The following FYTTD1 variants were observed in gnomAD, a reference collection of about 807,000 sequenced individuals.
The protein encoded by FYTTD1 is UAP56-interacting factor.
FYTTD1 carries 22 observed loss-of-function variants against 40.9 expected under a neutral mutation model. The ratio of observed to expected loss-of-function variants is 0.54; its 90% CI spans 0.38 to 0.77. FYTTD1 has a LOEUF of 0.77. FYTTD1 is among the 30% of genes least tolerant of loss of function. The pLI, the probability that FYTTD1 is intolerant of heterozygous loss-of-function variation, is 0.00. For missense variants in FYTTD1, 351 were observed against 392.2 expected (o/e 0.90, Z 0.89); for synonymous variants, 140 against 137.9 (o/e 1.01, Z -0.10).
At chr3:197,758,690 A>G (rs1729279533) in intron 2 of FYTTD1, among the ~76,000 whole-genome samples, 1 of 152,186 alleles carries the variant, frequency 6.6e-6, no homozygotes, top group African/African-American at 2.4e-5. Flanking sequence ...TTGCCCTTGT[A>G]TGTTTATTGC....
rs556901767 is a variant in FYTTD1 at position 197,770,256 on chromosome 3, A to G, written c.497+12A>G. On this transcript the variant is annotated intron_variant, in intron 4 of 8. Coordinates refer to ENST00000241502, the MANE Select transcript of FYTTD1 (RefSeq NM_032288.7). ...CAGCTAAGCAGAAAGTAAGTGCTCA[A>G]AAATAATAATGTGTTATTTTGCATT... The G allele has an allele frequency of 4.4e-4, 645 of 1,477,404 alleles. 6 individuals carry two copies. In the South Asian group the frequency reaches 7.0e-3, roughly 16 times the overall value. The allele number at this position is 1,477,404 out of a possible 1,614,324, so 91.5% of individuals were successfully genotyped here.
At chr3:197,754,851 G>T (rs1057064745) in intron 1 of FYTTD1, among the ~76,000 whole-genome samples, 2 of 151,868 alleles carry the variant, frequency 1.3e-5, no homozygotes, top group Non-Finnish European at 2.9e-5. Context: ...ATTATTTGTG[G>T]AGATGAGGTT....
intron 1 of FYTTD1, among the ~76,000 whole-genome samples, chr3:197,754,667 C>T (rs1310051791): frequency 1.4e-3 from 170 of 123,884 alleles, no homozygotes; most frequent in Middle Eastern, 4.3e-3. Flanking sequence ...TTTTTTCTTT[C>T]TTTTTTTTTT....
rs188853603 is a variant in FYTTD1, at chr3:197,762,878, G to A, written c.236-5561G>A. On this transcript the variant is annotated intron_variant, in intron 2 of 8. Coordinates refer to ENST00000241502, the MANE Select transcript of FYTTD1 (RefSeq NM_032288.7). Reference sequence around the variant, plus strand: ...AGCCTGGGCGACAGAGTGAGACTCCGTCTCCAAAAAAAAAACTAGTGGATA... The same window carrying A: ...AGCCTGGGCGACAGAGTGAGACTCCATCTCCAAAAAAAAAACTAGTGGATA... Among the ~76,000 whole-genome samples, 126 of 150,636 alleles carry A rather than the reference G, an allele frequency of 8.4e-4. 3 individuals are homozygous for A. The East Asian group carries it at 0.021, about 25-fold the overall frequency.
At chr3:197,768,216 T>C (rs1269808185) in intron 2 of FYTTD1, among the ~76,000 whole-genome samples, 2 of 152,200 alleles carry the variant, frequency 1.3e-5, no homozygotes, top group African/African-American at 4.8e-5. Context: ...AGAGGCAACA[T>C]GTGAGAATCC....
At chr3:197,770,481 C>T (rs1330005372) in intron 4 of FYTTD1, among the ~76,000 whole-genome samples, 1 of 152,218 alleles carries the variant, frequency 6.6e-6, no homozygotes, top group African/African-American at 2.4e-5. Flanking sequence ...CACTCTGCTT[C>T]TTTACCTCTT....
intron 7 of FYTTD1, 51 bp downstream of exon 7, chr3:197,777,052 A>AGGT: frequency 2.7e-6 from 3 of 1,106,674 alleles, no homozygotes; most frequent in Non-Finnish European, 4.1e-6. Flanking sequence ...ATTACATGAG[A>AGGT]TCATAAGAAA....
At chr3:197,778,584 A>T in intron 8 of FYTTD1, 120 bp downstream of exon 8, 1 of 627,836 alleles carries the variant, frequency 1.6e-6, no homozygotes, top group Admixed American at 3.3e-5. Flanking sequence ...AACCTAGGGA[A>T]CCACTAATCT....
At chr3:197,775,493 CAG>C (rs995932182) in intron 6 of FYTTD1, among the ~76,000 whole-genome samples, 6 of 151,918 alleles carry the variant, frequency 3.9e-5, no homozygotes, top group African/African-American at 1.5e-4. Context: ...CTCTGTGTCT[CAG>C]GGGAATTGGT....
chr3:197,767,684 G>T (rs1039295443), intron 2 of FYTTD1, among the ~76,000 whole-genome samples: 1 of 151,896 alleles, frequency 6.6e-6, no homozygotes, highest in Non-Finnish European at 1.5e-5. Context: ...AAACTCCTGA[G>T]CTCAAGGGAT....
intron 1 of FYTTD1, chr3:197,750,762 TGGG>T: frequency 1.0e-6 from 1 of 985,432 alleles, no homozygotes; most frequent in Non-Finnish European, 1.2e-6. Flanking sequence ...AGCTAGCTAA[TGGG>T]GGAGAAAGCA....
intron 1 of FYTTD1, among the ~76,000 whole-genome samples, chr3:197,756,168 G>A (rs1366843344): frequency 6.6e-6 from 1 of 152,088 alleles, no homozygotes; most frequent in African/African-American, 2.4e-5. Flanking sequence ...ATTATGGGAA[G>A]TAAGTAGGAA....
Position 197,778,473 on chromosome 3 carries a change from AC to A in FYTTD1, c.858+10del, listed in dbSNP as rs146772943. The A allele has an allele frequency of 2.2e-4, 351 of 1,581,954 alleles. 1 individual carries two copies. The African/African-American group carries it at 2.8e-3, about 13-fold the overall frequency. The stretch of plus-strand genomic sequence containing the variant: ...ACAGTGTCGGAAAACAGGTAAAAAA[AC>A]GTTTTCTGTATTTTCTTGGGTCATT... On this transcript the variant is annotated intron_variant, in intron 8 of 8. Transcript: ENST00000241502.
intron 2 of FYTTD1, chr3:197,763,318 G>A (rs1171544050): frequency 1.2e-5 from 3 of 240,782 alleles, no homozygotes; most frequent in African/African-American, 7.1e-5. Context: ...GGAGCCTGAG[G>A]CAGGAGAATC....
chr3:197,776,298 C>G (rs185543169), intron 6 of FYTTD1, among the ~76,000 whole-genome samples: 1 of 151,260 alleles, frequency 6.6e-6, no homozygotes, highest in South Asian at 2.1e-4. Context: ...CTCCCCCTCC[C>G]GGGTTCAAGC....
At chr3:197,756,388 A>G (rs1411325529) in intron 1 of FYTTD1, 38 bp from the exon 2 acceptor site, 1 of 1,488,762 alleles carries the variant, frequency 6.7e-7, no homozygotes, top group African/African-American at 1.4e-5. Flanking sequence ...AATTGAGTTA[A>G]GTTAAAATGA....
intron 2 of FYTTD1, among the ~76,000 whole-genome samples, chr3:197,758,932 C>T (rs779103563): frequency 3.3e-5 from 5 of 152,312 alleles, no homozygotes; most frequent in South Asian, 4.1e-4. Context: ...TCTTTAACTT[C>T]GTGTGTGAAA....
At chr3:197,775,209 G>C (rs1729842997) in intron 6 of FYTTD1, among the ~76,000 whole-genome samples, 1 of 151,988 alleles carries the variant, frequency 6.6e-6, no homozygotes, top group Admixed American at 6.6e-5. Flanking sequence ...CCTTTTCACA[G>C]TCTTTTTTTC....
intron 2 of FYTTD1, among the ~76,000 whole-genome samples, chr3:197,765,018 A>G (rs1333551703): frequency 6.6e-6 from 1 of 151,656 alleles, no homozygotes; most frequent in African/African-American, 2.4e-5. Flanking sequence ...CCTGGTGGCT[A>G]ATTTTTATAT....
Sources: allele counts gnomAD v4.1 joint callset (sites outside exome capture counted in the v4.1 genomes callset), GRCh38; gene constraint gnomAD v4.1.1; transcripts MANE v1.5; gene names NCBI Gene and HGNC (gene_info 2026-07-23, HGNC 2026-07-21).